The following NDUFAF2 variants were observed in gnomAD, a reference collection of about 807,000 sequenced individuals.
The protein encoded by NDUFAF2 is NADH:ubiquinone oxidoreductase complex assembly factor 2, also known as NADH dehydrogenase [ubiquinone] 1 alpha subcomplex assembly factor 2.
NDUFAF2 carries 13 observed loss-of-function variants against 22.8 expected under a neutral mutation model. That is an observed-to-expected ratio of 0.57 (90% CI 0.37 to 0.91). The LOEUF (loss-of-function observed/expected upper bound fraction) is 0.91. NDUFAF2 is among the 40% of genes least tolerant of loss of function. The probability of loss-of-function intolerance (pLI) is 0.01; values close to 1 mark genes in which losing one functional copy is unlikely to be tolerated. For synonymous variants in NDUFAF2, 53 were observed against 64.2 expected, an observed-to-expected ratio of 0.83 and a Z score of 0.84; for missense variants, 162 against 195.2, an observed-to-expected ratio of 0.83 and a Z score of 1.01.
At chr5:61,136,688 G>GA (rs374054710) in intron 3 of NDUFAF2, among the ~76,000 whole-genome samples, 70 of 152,182 alleles carry the variant, frequency 4.6e-4, no homozygotes, top group African/African-American at 1.7e-3. Flanking sequence ...GTAAGAAAGG[G>GA]AAAAAAAGAA....
intron 1 of NDUFAF2, among the ~76,000 whole-genome samples, chr5:61,007,149 T>C (rs1442325165): frequency 6.6e-6 from 1 of 152,024 alleles, no homozygotes; most frequent in East Asian, 1.9e-4. Flanking sequence ...TTTTGGCTTT[T>C]GTTGCCATTG....
intron 2 of NDUFAF2, among the ~76,000 whole-genome samples, chr5:61,095,299 C>G (rs1361658843): frequency 6.6e-6 from 1 of 152,188 alleles, no homozygotes; most frequent in African/African-American, 2.4e-5. Flanking sequence ...TGTTTCTGGT[C>G]GGTTTGGACT....
intron 1 of NDUFAF2, among the ~76,000 whole-genome samples, chr5:60,980,804 G>A (rs1750966644): frequency 6.6e-6 from 1 of 152,020 alleles, no homozygotes; most frequent in Non-Finnish European, 1.5e-5. Flanking sequence ...ACTGAACAAT[G>A]CATCAGAGTC....
At chr5:60,979,496 C>T (rs1750947598) in intron 1 of NDUFAF2, among the ~76,000 whole-genome samples, 1 of 152,082 alleles carries the variant, frequency 6.6e-6, no homozygotes, top group Non-Finnish European at 1.5e-5. Flanking sequence ...AGCCCTTGGG[C>T]CTTGAGTGAA....
intron 1 of NDUFAF2, among the ~76,000 whole-genome samples, chr5:61,049,378 C>T (rs371958974): frequency 6.6e-6 from 1 of 151,970 alleles, no homozygotes; most frequent in African/African-American, 2.4e-5. Context: ...TTTTACCCTC[C>T]GAAATTTGAA....
At chr5:61,043,560 A>G (rs961474888) in intron 1 of NDUFAF2, among the ~76,000 whole-genome samples, 6 of 152,084 alleles carry the variant, frequency 3.9e-5, no homozygotes, top group African/African-American at 1.2e-4. Context: ...TACACATCAC[A>G]TGTAAGTGAG....
intron 1 of NDUFAF2, among the ~76,000 whole-genome samples, chr5:60,984,335 A>G (rs898930496): frequency 3.3e-5 from 5 of 152,240 alleles, no homozygotes; most frequent in South Asian, 2.1e-4. Context: ...CAATCATGTC[A>G]TCTGCAAACA....
intron 3 of NDUFAF2, among the ~76,000 whole-genome samples, chr5:61,117,404 G>A (rs1752924542): frequency 6.6e-6 from 1 of 152,216 alleles, no homozygotes; most frequent in Non-Finnish European, 1.5e-5. Flanking sequence ...TGCCCAAGCT[G>A]GAGTGCAGTG....
intron 1 of NDUFAF2, among the ~76,000 whole-genome samples, chr5:60,949,215 C>T (rs1750508049): frequency 1.3e-5 from 2 of 152,278 alleles, no homozygotes; most frequent in South Asian, 4.1e-4. Flanking sequence ...TACAATCTCT[C>T]CTCATCCCTA....
chr5:61,056,860 G>C (rs1215719422), intron 1 of NDUFAF2, among the ~76,000 whole-genome samples: 5 of 114,152 alleles, frequency 4.4e-5, no homozygotes, highest in Non-Finnish European at 8.1e-5. Flanking sequence ...TTGCACTCCA[G>C]CCTGGGCAAC....
intron 1 of NDUFAF2, among the ~76,000 whole-genome samples, chr5:61,042,591 G>A (rs898682210): frequency 7.9e-5 from 12 of 152,008 alleles, no homozygotes; most frequent in African/African-American, 2.9e-4. Flanking sequence ...GCATGAGGGA[G>A]TTTTTTTATT....
chr5:61,046,478 T>TACTG (rs1334917436), intron 1 of NDUFAF2, among the ~76,000 whole-genome samples: 1 of 152,150 alleles, frequency 6.6e-6, no homozygotes, highest in East Asian at 1.9e-4. Context: ...CCTGACTCAT[T>TACTG]ACTGATCTGT....
intron 1 of NDUFAF2, among the ~76,000 whole-genome samples, chr5:61,020,827 C>G (rs1751572491): frequency 6.6e-6 from 1 of 152,098 alleles, no homozygotes; most frequent in Non-Finnish European, 1.5e-5. Flanking sequence ...TCCTGAGTAG[C>G]TGGGATTACA....
chr5:61,079,085 A>G (rs6893752), intron 2 of NDUFAF2, among the ~76,000 whole-genome samples: 123,975 of 152,170 alleles, frequency 0.81, 51,044 homozygotes, highest in East Asian at 1. Context: ...CTTATCACAT[A>G]TACTCATTAA....
At chr5:60,988,430 T>G (rs896170416) in intron 1 of NDUFAF2, among the ~76,000 whole-genome samples, 10 of 152,072 alleles carry the variant, frequency 6.6e-5, no homozygotes, top group African/African-American at 2.2e-4. Context: ...AAAAAAACTT[T>G]TAAAATTCAT....
chr5:60,945,706 GT>G (rs552990423), intron 1 of NDUFAF2, among the ~76,000 whole-genome samples: 155 of 152,338 alleles, frequency 1.0e-3, no homozygotes, highest in African/African-American at 1.7e-3. Flanking sequence ...AGGAGCCTCA[GT>G]TTTAGCCCTG....
chr5:60,987,708 A>T (rs953409030), intron 1 of NDUFAF2, among the ~76,000 whole-genome samples: 11 of 152,260 alleles, frequency 7.2e-5, no homozygotes, highest in Non-Finnish European at 1.0e-4. Context: ...TAGATGCAGA[A>T]AAAGCTTTTG....
intron 1 of NDUFAF2, among the ~76,000 whole-genome samples, chr5:61,027,529 A>T (rs1325468476): frequency 6.6e-6 from 1 of 151,988 alleles, no homozygotes; most frequent in Non-Finnish European, 1.5e-5. Context: ...TTGTGAGAGA[A>T]GTACCACTGT....
intron 3 of NDUFAF2, among the ~76,000 whole-genome samples, chr5:61,111,180 C>A (rs569644730): frequency 6.6e-6 from 1 of 152,140 alleles, no homozygotes; most frequent in Admixed American, 6.5e-5. Flanking sequence ...AGAAGATACT[C>A]GAGATAATTT....
Sources: gnomAD v4.1 joint callset for allele counts (sites outside exome capture counted in the v4.1 genomes callset) on GRCh38, gnomAD v4.1.1 for gene constraint, MANE v1.5 for transcripts, NCBI Gene and HGNC (gene_info 2026-07-23, HGNC 2026-07-21) for gene names.